The following FAM135B variants were observed in gnomAD, a reference collection of about 807,000 sequenced individuals.
FAM135B encodes the protein protein FAM135B.
A neutral mutation model predicts 127.7 loss-of-function variants in FAM135B; 43 were observed. That is an observed-to-expected ratio of 0.34 (90% CI 0.26 to 0.43). The LOEUF is 0.43. Ranked by LOEUF, FAM135B falls within the 20% of genes least tolerant of loss-of-function variation. FAM135B has a pLI of 1.00. For missense variants in FAM135B, 1,558 were observed against 1,725.6 expected (o/e 0.90, Z 1.72); for synonymous variants, 670 against 665.1 (o/e 1.01, Z -0.11).
At chr8:138,447,015 T>G (rs555860825) in intron 1 of FAM135B, among the ~76,000 whole-genome samples, 52 of 152,132 alleles carry the variant, frequency 3.4e-4, no homozygotes, top group African/African-American at 1.1e-3. Flanking sequence ...GACACTTCTC[T>G]AAAGAAGACA....
intron 1 of FAM135B, chr8:138,437,596 C>T (rs1474587270): frequency 6.6e-6 from 1 of 152,124 alleles, no homozygotes; most frequent in Non-Finnish European, 1.5e-5. Flanking sequence ...TAAATTACCC[C>T]GTCTCAGGCA....
At chr8:138,329,345 T>C (rs1041807250) in intron 2 of FAM135B, among the ~76,000 whole-genome samples, 1 of 152,218 alleles carries the variant, frequency 6.6e-6, no homozygotes, top group African/African-American at 2.4e-5. Flanking sequence ...CCCTGAATCA[T>C]GATTCCCTCT....
In FAM135B at chr8:138,132,365, C is replaced by G. The variant is rs956768687; in HGVS notation, c.*228G>C. 1 of 515,320 alleles carries G rather than the reference C, an allele frequency of 1.9e-6. No individual in the cohort carries two copies. Among genetic ancestry groups the G allele is most frequent in the South Asian group, 2.4e-5 (1 of 42,150 alleles). The allele number at this position is 515,320 out of a possible 1,614,324, so 31.9% of individuals were successfully genotyped here. On this transcript the variant is annotated 3_prime_UTR_variant, in exon 20 of 20. Transcript: ENST00000395297. The surrounding 1 kb of genome is among the most constrained non-coding windows in gnomAD (Gnocchi z 4.5). ...CCTAGAAAACATCTTGAATGACACT[C>G]CAGGTAACTATACAAATTCAAGCAA...
intron 3 of FAM135B, among the ~76,000 whole-genome samples, chr8:138,309,417 C>T (rs572009073): frequency 6.6e-6 from 1 of 152,064 alleles, no homozygotes; most frequent in Non-Finnish European, 1.5e-5. Context: ...GGAAATACGG[C>T]AACTTGACTG....
chr8:138,427,170 T>C (rs1834934519), intron 1 of FAM135B, among the ~76,000 whole-genome samples: 2 of 151,706 alleles, frequency 1.3e-5, no homozygotes, highest in African/African-American at 4.8e-5. Context: ...TGATTATGTG[T>C]AGACAGGAAC....
At chr8:138,245,917 A>G (rs1355205454) in intron 6 of FAM135B, among the ~76,000 whole-genome samples, 1 of 152,206 alleles carries the variant, frequency 6.6e-6, no homozygotes, top group African/African-American at 2.4e-5. Flanking sequence ...AATTGCTGAT[A>G]GTGATATGGG....
intron 1 of FAM135B, among the ~76,000 whole-genome samples, chr8:138,416,716 G>A (rs958482776): frequency 7.9e-5 from 12 of 152,134 alleles, no homozygotes; most frequent in African/African-American, 2.9e-4. Context: ...GATGTGGACA[G>A]GAAGAGCTTC....
chr8:138,447,927 T>C (rs899383365), intron 1 of FAM135B, among the ~76,000 whole-genome samples: 2 of 151,882 alleles, frequency 1.3e-5, no homozygotes, highest in African/African-American at 2.4e-5. Context: ...CTCTGTATCA[T>C]ACGTGACCAT....
At chr8:138,289,340 G>C (rs1370367853) in intron 3 of FAM135B, among the ~76,000 whole-genome samples, 1 of 152,164 alleles carries the variant, frequency 6.6e-6, no homozygotes, top group Non-Finnish European at 1.5e-5. Context: ...AATTGTTGAA[G>C]GAAGAATCTT....
intron 1 of FAM135B, among the ~76,000 whole-genome samples, chr8:138,482,398 T>G (rs1215981442): frequency 6.6e-6 from 1 of 152,190 alleles, no homozygotes; most frequent in Admixed American, 6.5e-5. Context: ...GTTGACTTTA[T>G]GAGTGCATGC....
At chr8:138,217,122 C>T (rs6986800) in intron 7 of FAM135B, among the ~76,000 whole-genome samples, 2,092 of 152,302 alleles carry the variant, frequency 0.014, 45 homozygotes, top group African/African-American at 0.048. Flanking sequence ...CCATCATCAA[C>T]AGCATCATCA....
At chr8:138,146,973 AAAG>A (rs1318066667) in intron 14 of FAM135B, among the ~76,000 whole-genome samples, 1 of 152,190 alleles carries the variant, frequency 6.6e-6, no homozygotes, top group African/African-American at 2.4e-5. Context: ...CCAATGATTC[AAAG>A]GAGGGTGAAA....
At position 138,426,118 on chromosome 8, in the gene FAM135B, A is replaced by ATG. The variant is rs36037032; in HGVS notation, c.-19-58118_-19-58117dup. Among the ~76,000 whole-genome samples the ATG allele has an allele frequency of 7.1e-3, 849 of 120,008 alleles. 17 individuals are homozygous for ATG. Among genetic ancestry groups the ATG allele is most frequent in the South Asian group, 0.014 (54 of 3,838 alleles). The allele number at this position is 120,008 out of a possible 152,430, so 78.7% of individuals were successfully genotyped here. On this transcript the variant is annotated intron_variant, in intron 1 of 19. Coordinates refer to ENST00000395297, the MANE Select transcript of FAM135B (RefSeq NM_015912.4). The stretch of plus-strand genomic sequence containing the variant: ...ATGTTTTATATATATATATACACAT[A>ATG]TGTGTGTGTGTGTGTGTGTGTATAT...
intron 2 of FAM135B, among the ~76,000 whole-genome samples, chr8:138,363,495 G>A (rs1830562516): frequency 6.6e-6 from 1 of 152,092 alleles, no homozygotes; most frequent in South Asian, 2.1e-4. Context: ...CTTTTTGTCA[G>A]CATGAGTCTT....
intron 2 of FAM135B, among the ~76,000 whole-genome samples, chr8:138,321,068 C>G (rs1458883371): frequency 6.6e-6 from 1 of 152,096 alleles, no homozygotes; most frequent in African/African-American, 2.4e-5. Context: ...TCTGAACACC[C>G]AGGTCCGCAA....
chr8:138,277,261 A>G (rs1823899053), intron 3 of FAM135B, among the ~76,000 whole-genome samples: 1 of 152,060 alleles, frequency 6.6e-6, no homozygotes, highest in East Asian at 1.9e-4. Context: ...CTGCTAATAC[A>G]TTGTGCCAAA....
intron 9 of FAM135B, among the ~76,000 whole-genome samples, chr8:138,190,204 C>A (rs746556877): frequency 6.6e-6 from 1 of 152,192 alleles, no homozygotes; most frequent in Non-Finnish European, 1.5e-5. Context: ...CCTGCAATGG[C>A]CACATCCACA....
chr8:138,458,093 C>T (rs1409721128), intron 1 of FAM135B, among the ~76,000 whole-genome samples: 5 of 151,808 alleles, frequency 3.3e-5, no homozygotes, highest in African/African-American at 4.8e-5. Context: ...AAGAGGTTGC[C>T]GTGAGCTGAG....
intron 2 of FAM135B, among the ~76,000 whole-genome samples, chr8:138,344,114 G>A (rs1353663351): frequency 6.6e-6 from 1 of 152,212 alleles, no homozygotes; most frequent in Non-Finnish European, 1.5e-5. Context: ...TAGACTGGAC[G>A]GCAGCAGTGA....
Sources: allele counts gnomAD v4.1 joint callset (sites outside exome capture counted in the v4.1 genomes callset), GRCh38; gene constraint gnomAD v4.1.1; non-coding constraint Gnocchi (gnomAD v3.1); transcripts MANE v1.5; gene names NCBI Gene and HGNC (gene_info 2026-07-23, HGNC 2026-07-21).